The following SYT14 variants were observed in gnomAD, a reference collection of about 807,000 sequenced individuals.
SYT14 encodes synaptotagmin 14.
SYT14 carries 32 observed loss-of-function variants against 74.2 expected under a neutral mutation model. The observed-to-expected ratio is 0.43, with a 90% CI of 0.33 to 0.58. SYT14 has a LOEUF of 0.58. Ranked by LOEUF, SYT14 falls within the 20% of genes least tolerant of loss-of-function variation. The pLI is 0.05. For synonymous variants in SYT14, 298 were observed against 337.7 expected (o/e 0.88, Z 1.29); for missense variants, 791 against 981.8 (o/e 0.81, Z 2.60).
chr1:209,992,800 T>C (rs2079717358), intron 2 of SYT14, among the ~76,000 whole-genome samples: 1 of 151,594 alleles, frequency 6.6e-6, no homozygotes, highest in Admixed American at 6.6e-5. Flanking sequence ...TATTATTGAG[T>C]AAACCACCTT....
intron 7 of SYT14, among the ~76,000 whole-genome samples, chr1:210,103,137 A>T (rs1262747352): frequency 6.6e-6 from 1 of 152,220 alleles, no homozygotes; most frequent in Non-Finnish European, 1.5e-5. Flanking sequence ...AGAATTTTGC[A>T]TATAAAATTT....
At chr1:209,982,968 G>A (rs905142064) in intron 2 of SYT14, among the ~76,000 whole-genome samples, 1 of 151,272 alleles carries the variant, frequency 6.6e-6, no homozygotes, top group African/African-American at 2.4e-5. Flanking sequence ...GTCTTTTTAT[G>A]TGTTAATTTG....
At chr1:210,168,024 G>GT (rs2083473609) in exon 10 of SYT14, 1 of 152,770 alleles carries the variant, frequency 6.5e-6, no homozygotes, top group South Asian at 2.1e-4. Flanking sequence ...AGAGCAAAGC[G>GT]TAATACTCTT....
rs1270230994 is a variant in SYT14 at position 210,000,065 on chromosome 1, T to C, written c.-485-13568T>C. 2.0e-5 allele frequency among the ~76,000 whole-genome samples: 3 copies of C among 152,300 alleles called. No homozygotes were observed. In the East Asian group the frequency reaches 5.8e-4, roughly 29 times the overall value. ...ATTAATAAAAATGTTTTTAAAGTTA[T>C]GATTTTATTTTTATTTTACAGATAT... On this transcript the variant is annotated intron_variant, in intron 2 of 9. Coordinates refer to ENST00000637265, the Ensembl canonical transcript of SYT14.
chr1:210,160,869 G>A (rs772050133), exon 10 of SYT14: 1 of 1,614,010 alleles, frequency 6.2e-7, no homozygotes, highest in Non-Finnish European at 8.5e-7. Flanking sequence ...GCTTTCTGAT[G>A]TGACACTCAT....
chr1:210,082,877 T>C (rs571177200), intron 5 of SYT14, among the ~76,000 whole-genome samples: 7 of 152,324 alleles, frequency 4.6e-5, no homozygotes, highest in South Asian at 2.1e-4. Context: ...TGAGAGGCAG[T>C]GAATTGATTT....
At chr1:210,032,585 T>A (rs1429466416) in intron 5 of SYT14, among the ~76,000 whole-genome samples, 2 of 151,812 alleles carry the variant, frequency 1.3e-5, no homozygotes, top group African/African-American at 2.4e-5. Flanking sequence ...CTTGTTTGTT[T>A]ATGATATTAA....
chr1:210,053,346 A>C (rs2081038586), intron 5 of SYT14, among the ~76,000 whole-genome samples: 1 of 152,198 alleles, frequency 6.6e-6, no homozygotes, highest in Admixed American at 6.5e-5. Context: ...CTGAAGTAAT[A>C]GTAGTGGTAA....
At chr1:210,141,804 A>G (rs1479863205) in intron 7 of SYT14, among the ~76,000 whole-genome samples, 1 of 152,214 alleles carries the variant, frequency 6.6e-6, no homozygotes, top group African/African-American at 2.4e-5. Context: ...GAGCAGCAAG[A>G]TCAGCTAGAG....
At chr1:210,161,189 A>G in exon 10 of SYT14, 1 of 855,956 alleles carries the variant, frequency 1.2e-6, no homozygotes, top group Non-Finnish European at 1.9e-6. Context: ...TATGGAAAGA[A>G]CGTCTCATAC....
At chr1:209,973,906 A>ACATCT (rs2079306998) in intron 2 of SYT14, among the ~76,000 whole-genome samples, 1 of 152,144 alleles carries the variant, frequency 6.6e-6, no homozygotes, top group African/African-American at 2.4e-5. Flanking sequence ...CGCCATTCTA[A>ACATCT]CTGGTGTGAG....
chr1:209,983,170 A>T (rs894871657), intron 2 of SYT14, among the ~76,000 whole-genome samples: 2 of 151,746 alleles, frequency 1.3e-5, no homozygotes, highest in South Asian at 4.2e-4. Context: ...TTCGCATTGT[A>T]TTTTGCAGAG....
At chr1:210,067,244 ATTC>A (rs996640833) in intron 5 of SYT14, among the ~76,000 whole-genome samples, 2 of 152,096 alleles carry the variant, frequency 1.3e-5, no homozygotes, top group Non-Finnish European at 2.9e-5. Flanking sequence ...TTCCTACTGT[ATTC>A]TTCTTTTTCT....
At chr1:210,070,290 A>G (rs1488323441) in intron 5 of SYT14, among the ~76,000 whole-genome samples, 6 of 152,074 alleles carry the variant, frequency 3.9e-5, no homozygotes. Context: ...CTTTCAAGAA[A>G]TGAGGTTCTC....
chr1:210,159,468 A>G, exon 9 of SYT14: 1 of 1,551,436 alleles, frequency 6.4e-7, no homozygotes, highest in South Asian at 1.2e-5. Context: ...ACAGGTTTAT[A>G]TAATCCGAGG....
intron 2 of SYT14, among the ~76,000 whole-genome samples, chr1:209,968,998 T>C (rs2079202080): frequency 6.6e-6 from 1 of 152,108 alleles, no homozygotes; most frequent in Non-Finnish European, 1.5e-5. Context: ...ATATGTGGTA[T>C]TTGGTTTTCT....
intron 5 of SYT14, among the ~76,000 whole-genome samples, chr1:210,078,824 G>A (rs904336321): frequency 6.6e-6 from 1 of 150,712 alleles, no homozygotes; most frequent in African/African-American, 2.5e-5. Flanking sequence ...ATGGCTCACT[G>A]TAGCCTCGAC....
chr1:210,116,377 T>C (rs1251287820), intron 7 of SYT14, among the ~76,000 whole-genome samples: 1 of 152,208 alleles, frequency 6.6e-6, no homozygotes, highest in African/African-American at 2.4e-5. Context: ...TCTCACTCTG[T>C]TTCCACGCTG....
chr1:210,047,039 ATAAT>A (rs1175420724), intron 5 of SYT14, among the ~76,000 whole-genome samples: 5 of 152,266 alleles, frequency 3.3e-5, no homozygotes, highest in East Asian at 1.9e-4. Context: ...TTTTAATTCT[ATAAT>A]TAATTAATTT....
Sources: allele counts gnomAD v4.1 joint callset (sites outside exome capture counted in the v4.1 genomes callset), GRCh38; gene constraint gnomAD v4.1.1; transcripts MANE v1.5; gene names NCBI Gene and HGNC (gene_info 2026-07-23, HGNC 2026-07-21).